PRMT8: variants seen among roughly 807,000 people sequenced by gnomAD.
The protein encoded by PRMT8 is protein arginine N-methyltransferase 8.
A neutral mutation model predicts 47.1 loss-of-function variants in PRMT8; 7 were observed. That is an observed-to-expected ratio of 0.15 (90% CI 0.08 to 0.28). PRMT8 has a LOEUF of 0.28. Ranked by LOEUF, PRMT8 falls within the 10% of genes least tolerant of loss-of-function variation. The pLI is 1.00. For missense variants in PRMT8, 237 were observed against 505.4 expected (o/e 0.47, Z 5.09); for synonymous variants, 188 against 186.5 (o/e 1.01, Z -0.07).
At chr12:3,392,929 T>C (rs926590671) in intron 1 of PRMT8, among the ~76,000 whole-genome samples, 5 of 152,212 alleles carry the variant, frequency 3.3e-5, no homozygotes, top group African/African-American at 1.2e-4. Flanking sequence ...TGGTATCTCA[T>C]TGTGGTTTTG....
chr12:3,552,889 C>T lies in PRMT8; in HGVS notation c.418-762C>T, dbSNP rs1203234724. 1.7e-5 allele frequency: 7 copies of T among 411,850 alleles called. No homozygotes were observed. Among genetic ancestry groups the T allele is most frequent in the Admixed American group, 2.7e-5 (1 of 37,436 alleles). The allele number at this position is 411,850 out of a possible 1,614,324, so 25.5% of individuals were successfully genotyped here. On this transcript the variant is annotated intron_variant, in intron 3 of 9. Coordinates refer to ENST00000382622, the MANE Select transcript of PRMT8 (RefSeq NM_019854.5). The surrounding 1 kb of genome is among the most constrained non-coding windows in gnomAD (Gnocchi z 4.5). Reference sequence around the variant, plus strand: ...CCAGCCTCTGTAAGAGAGCCGGCTCCGGAGGTGAGGACGGCTCTTGGCAGC... The same window carrying T: ...CCAGCCTCTGTAAGAGAGCCGGCTCTGGAGGTGAGGACGGCTCTTGGCAGC...
At chr12:3,562,991 C>T (rs887164295) in intron 4 of PRMT8, among the ~76,000 whole-genome samples, 2 of 152,144 alleles carry the variant, frequency 1.3e-5, no homozygotes, top group Admixed American at 6.5e-5. Flanking sequence ...CTACCCAGTA[C>T]CAGTGCCTTC....
intron 1 of PRMT8, among the ~76,000 whole-genome samples, chr12:3,475,861 C>A (rs1300358645): frequency 6.6e-6 from 1 of 152,212 alleles, no homozygotes; most frequent in Non-Finnish European, 1.5e-5. Context: ...CTTCTACATC[C>A]TGTGGGTGTA....
chr12:3,509,439 G>C (rs2137127713), intron 1 of PRMT8, among the ~76,000 whole-genome samples: 1 of 152,286 alleles, frequency 6.6e-6, no homozygotes, highest in South Asian at 2.1e-4. Context: ...TGCTGTCTCA[G>C]CGCATATCGC....
chr12:3,548,642 G>A (rs910559158), intron 2 of PRMT8, among the ~76,000 whole-genome samples: 2 of 152,206 alleles, frequency 1.3e-5, no homozygotes, highest in East Asian at 3.8e-4. Flanking sequence ...CATCAAATCA[G>A]TTTACATCCA....
At chr12:3,543,511 C>A (rs1866269592) in intron 2 of PRMT8, among the ~76,000 whole-genome samples, 1 of 152,182 alleles carries the variant, frequency 6.6e-6, no homozygotes, top group Non-Finnish European at 1.5e-5. Context: ...TTAACAAGAC[C>A]CTCACACGGT....
At position 3,572,906 on chromosome 12, in the gene PRMT8, G is replaced by A. The variant is rs751172237; in HGVS notation, c.712+3342G>A. On this transcript the variant is annotated intron_variant, in intron 6 of 9. Transcript: ENST00000382622. The surrounding 1 kb of genome is among the most constrained non-coding windows in gnomAD (Gnocchi z 5.9). ...GTACTTAATTTTCTTTCCTCAGACTGTTTTTGAGATTTCTGTCTTTATTGA... is the reference window on the plus strand; with the variant it reads ...GTACTTAATTTTCTTTCCTCAGACTATTTTTGAGATTTCTGTCTTTATTGA... Among the ~76,000 whole-genome samples the A allele has an allele frequency of 3.2e-4, 49 of 152,216 alleles. 1 individual carries two copies. The highest frequency in any genetic ancestry group is 4.4e-5 in the Non-Finnish European group (3 of 68,008).
chr12:3,388,758 G>A (rs1864164475), intron 1 of PRMT8, among the ~76,000 whole-genome samples: 1 of 152,190 alleles, frequency 6.6e-6, no homozygotes, highest in Non-Finnish European at 1.5e-5. Flanking sequence ...TGCACTAGCT[G>A]AAAGTAGACT....
At chr12:3,587,200 A>G (rs1408530536) in intron 8 of PRMT8, among the ~76,000 whole-genome samples, 1 of 148,198 alleles carries the variant, frequency 6.7e-6, no homozygotes, top group Non-Finnish European at 1.5e-5. Flanking sequence ...TATATTATAT[A>G]TTAATATAAT....
chr12:3,509,378 A>G (rs2137127645), intron 1 of PRMT8, among the ~76,000 whole-genome samples: 1 of 152,166 alleles, frequency 6.6e-6, no homozygotes, highest in Non-Finnish European at 1.5e-5. Context: ...CTTTCCTGCT[A>G]CCACCTTCAG....
In PRMT8 at chr12:3,394,489, T is replaced by C. The variant is rs1347757893; in HGVS notation, c.48+13047T>C. Among the ~76,000 whole-genome samples the C allele has an allele frequency of 3.4e-4, 52 of 151,950 alleles. 1 individual carries two copies. Among genetic ancestry groups the C allele is most frequent in the Middle Eastern group, 3.4e-3 (1 of 294 alleles). On this transcript the variant is annotated intron_variant, in intron 1 of 9. Transcript: ENST00000452611. ...ATAATCATGTGGTTTTTGTCTTTGG[T>C]TCTGTTTATATGCTGGATTACATTT...
chr12:3,562,652 T>C (rs1866656615), intron 4 of PRMT8, among the ~76,000 whole-genome samples: 1 of 152,232 alleles, frequency 6.6e-6, no homozygotes, highest in Non-Finnish European at 1.5e-5. Context: ...CTGCCTTGAA[T>C]GACATCATCT....
intron 1 of PRMT8, among the ~76,000 whole-genome samples, chr12:3,522,040 T>C (rs1162556624): frequency 6.6e-6 from 1 of 152,088 alleles, no homozygotes; most frequent in African/African-American, 2.4e-5. Flanking sequence ...TAAATCAAAG[T>C]CTCAGAAAGT....
intron 1 of PRMT8, among the ~76,000 whole-genome samples, chr12:3,443,289 A>G (rs1051373870): frequency 1.3e-5 from 2 of 152,214 alleles, no homozygotes; most frequent in Non-Finnish European, 2.9e-5. Context: ...TAAGCTATTA[A>G]TAACCAAATT....
rs545064897 is a variant in PRMT8, at chr12:3,436,209, A to G, written c.48+54767A>G. 6.6e-6 allele frequency among the ~76,000 whole-genome samples: 1 copy of G among 152,328 alleles called. No homozygotes were observed. Among genetic ancestry groups the G allele is most frequent in the Admixed American group, 6.5e-5 (1 of 15,306 alleles). On this transcript the variant is annotated intron_variant, in intron 1 of 9. Transcript: ENST00000452611. The surrounding 1 kb of genome is among the most constrained non-coding windows in gnomAD (Gnocchi z 4.2). ...GACCTTGTGAGGATGGTTAGGATCC[A>G]ATCACACACTAAGTTCGTGTCAGTC...
rs1178333024 is a variant in PRMT8 at position 3,453,095 on chromosome 12, C to CCT, written c.48+71653_48+71654insCT. Among the ~76,000 whole-genome samples, 4 of 152,160 alleles carry CCT rather than the reference C, an allele frequency of 2.6e-5. No homozygotes were observed. Among genetic ancestry groups the CCT allele is most frequent in the Non-Finnish European group, 4.4e-5 (3 of 68,038 alleles). On this transcript the variant is annotated intron_variant, in intron 1 of 9. Transcript: ENST00000452611. The surrounding 1 kb of genome is among the most constrained non-coding windows in gnomAD (Gnocchi z 4.9). ...GATGAAATGAGGGATGCACAGAGGA[C>CCT]ACTGCACGGGGAATCAGGTAGGCTG...
At chr12:3,498,986 T>C (rs1334170533) in intron 1 of PRMT8, among the ~76,000 whole-genome samples, 1 of 152,130 alleles carries the variant, frequency 6.6e-6, no homozygotes. Flanking sequence ...ATGCTCAGCC[T>C]TCCTTGGCTA....
intron 1 of PRMT8, among the ~76,000 whole-genome samples, chr12:3,507,928 T>A (rs556019322): frequency 6.6e-6 from 1 of 152,228 alleles, no homozygotes; most frequent in Non-Finnish European, 1.5e-5. Context: ...CCTGCTAATT[T>A]TTGTATTCTT....
In PRMT8 at chr12:3,569,883, G is replaced by A. The variant is rs192031787; in HGVS notation, c.712+319G>A. On this transcript the variant is annotated intron_variant, in intron 6 of 9. Coordinates refer to ENST00000382622, the MANE Select transcript of PRMT8 (RefSeq NM_019854.5). The surrounding 1 kb of genome is among the most constrained non-coding windows in gnomAD (Gnocchi z 8.2). ...TTTGCAGAGATCAGCAGGGCAAGTG[G>A]CTTGAAACCTGTCAAGGTTCAGTTA... 6.6e-6 allele frequency among the ~76,000 whole-genome samples: 1 copy of A among 152,316 alleles called. No individual in the cohort carries two copies. The highest frequency in any genetic ancestry group is 1.5e-5 in the Non-Finnish European group (1 of 68,028).
Sources: allele counts gnomAD v4.1 joint callset (sites outside exome capture counted in the v4.1 genomes callset), GRCh38; gene constraint gnomAD v4.1.1; non-coding constraint Gnocchi (gnomAD v3.1); transcripts MANE v1.5; gene names NCBI Gene and HGNC (gene_info 2026-07-23, HGNC 2026-07-21).